SLC9B2: variants seen among roughly 807,000 people sequenced by gnomAD.
The protein encoded by SLC9B2 is sodium/hydrogen exchanger 9B2.
In SLC9B2, 39 loss-of-function variants were observed where a neutral mutation model predicts 52.2. The observed-to-expected ratio is 0.75, with a 90% confidence interval of 0.58 to 0.98. The LOEUF is 0.98. Ranked by LOEUF, SLC9B2 falls within the 50% of genes least tolerant of loss-of-function variation. The pLI, the probability that SLC9B2 is intolerant of heterozygous loss-of-function variation, is 0.00. For missense variants in SLC9B2, 626 were observed against 637.5 expected, an observed-to-expected ratio of 0.98 and a Z score of 0.19; for synonymous variants, 214 against 227.0, an observed-to-expected ratio of 0.94 and a Z score of 0.51.
chr4:103,028,254 A>C (rs1742397615), intron 11 of SLC9B2, among the ~76,000 whole-genome samples: 1 of 152,154 alleles, frequency 6.6e-6, no homozygotes, highest in Non-Finnish European at 1.5e-5. Flanking sequence ...AAATCAATAA[A>C]GTGCTTTCTG....
Position 103,026,491 on chromosome 4 carries a change from A to C in SLC9B2, c.1493T>G (p.Ile498Ser). The C allele has an allele frequency of 6.2e-7, 1 of 1,613,926 alleles. No homozygotes were observed. Among genetic ancestry groups the C allele is most frequent in the Non-Finnish European group, 8.5e-7 (1 of 1,179,888 alleles). The change falls in exon 12 of 12, where the codon ATC (isoleucine) becomes AGC (serine). Residue 498 changes from isoleucine (I) to serine (S), a missense_variant. Ile to Ser is a moderately radical substitution (Grantham distance 142, BLOSUM62 -2). Coordinates refer to ENST00000394785, the MANE Select transcript of SLC9B2 (RefSeq NM_178833.7). Reference protein sequence around the residue: ...MDVLTVAFLSILITAPIGSLL... With the variant: ...MDVLTVAFLSSLITAPIGSLL... Reference sequence around the variant, plus strand: ...ACTTCCAATTGGGGCTGTGATGAGGATGGACAAAAATGCCACTGTCAACAC... The same window carrying C: ...ACTTCCAATTGGGGCTGTGATGAGGCTGGACAAAAATGCCACTGTCAACAC...
chr4:103,048,168 A>T (rs1232463869), intron 6 of SLC9B2, among the ~76,000 whole-genome samples: 1 of 152,202 alleles, frequency 6.6e-6, no homozygotes, highest in African/African-American at 2.4e-5. Flanking sequence ...AGCAGAAAGC[A>T]TTTTACAGTA....
At chr4:103,065,098 A>C (rs1302524958) in intron 3 of SLC9B2, among the ~76,000 whole-genome samples, 2 of 151,900 alleles carry the variant, frequency 1.3e-5, no homozygotes, top group Non-Finnish European at 2.9e-5. Flanking sequence ...AAGTGGCAGG[A>C]AGACCATGAC....
chr4:103,022,061 T>C (rs1030226442), downstream of SLC9B2, among the ~76,000 whole-genome samples: 6 of 152,264 alleles, frequency 3.9e-5, no homozygotes, highest in African/African-American at 1.4e-4. Flanking sequence ...AAGGCAAGTA[T>C]CATGTCTTAT....
At chr4:103,031,610 A>G (rs1370667208) in intron 10 of SLC9B2, 90 bp downstream of exon 10, 1 of 885,142 alleles carries the variant, frequency 1.1e-6, no homozygotes, top group Admixed American at 2.3e-5. Flanking sequence ...TGCTGGAGAT[A>G]TTTCAATGAA....
At chr4:103,031,194 G>C (rs1742669794) in intron 10 of SLC9B2, among the ~76,000 whole-genome samples, 1 of 152,112 alleles carries the variant, frequency 6.6e-6, no homozygotes, top group African/African-American at 2.4e-5. Flanking sequence ...AGGAAATAAT[G>C]AGTACATATA....
At chr4:103,019,731 G>A, downstream of SLC9B2, 10 of 985,606 alleles carry the variant, frequency 1.0e-5, no homozygotes, top group Non-Finnish European at 1.2e-5. Flanking sequence ...CGCAGGGGCG[G>A]GGCGGGGCGA....
At chr4:103,071,117 G>T (rs1276791957) in intron 1 of SLC9B2, among the ~76,000 whole-genome samples, 1 of 151,872 alleles carries the variant, frequency 6.6e-6, no homozygotes, top group Non-Finnish European at 1.5e-5. Context: ...GAAGAGGAGT[G>T]GCTGGACTTT....
chr4:103,075,614 A>G (rs1301602487), intron 1 of SLC9B2, among the ~76,000 whole-genome samples: 4 of 152,240 alleles, frequency 2.6e-5, no homozygotes, highest in African/African-American at 9.6e-5. Flanking sequence ...GCATGTGGAC[A>G]TAAATAGTAT....
chr4:103,064,741 T>C (rs1745958460), intron 3 of SLC9B2, among the ~76,000 whole-genome samples: 1 of 152,222 alleles, frequency 6.6e-6, no homozygotes, highest in East Asian at 1.9e-4. Flanking sequence ...AACATCATAT[T>C]GTACCCCACA....
intron 4 of SLC9B2, among the ~76,000 whole-genome samples, chr4:103,053,215 T>C (rs1054298823): frequency 2.0e-5 from 3 of 152,160 alleles, no homozygotes; most frequent in East Asian, 1.9e-4. Context: ...TGCTCACTCA[T>C]ACTCCGACCC....
intron 4 of SLC9B2, among the ~76,000 whole-genome samples, chr4:103,052,937 A>G (rs903050220): frequency 6.6e-6 from 1 of 152,072 alleles, no homozygotes; most frequent in Non-Finnish European, 1.5e-5. Flanking sequence ...GGTTGATGTA[A>G]TGTGACCACC....
chr4:103,047,227 C>G lies in SLC9B2; in HGVS notation c.714-1G>C, dbSNP rs1167372451. 6.2e-7 allele frequency: 1 copy of G among 1,608,706 alleles called. No individual in the cohort carries two copies. Among genetic ancestry groups the G allele is most frequent in the Non-Finnish European group, 8.5e-7 (1 of 1,177,032 alleles). Reference sequence around the variant, plus strand: ...TGGAGATACAGCACCTAAAACAAAACTAGGCAGACAGCATTTTAAACATTT... The same window carrying G: ...TGGAGATACAGCACCTAAAACAAAAGTAGGCAGACAGCATTTTAAACATTT... On this transcript the variant is annotated splice_acceptor_variant, in intron 6 of 11. Transcript: ENST00000394785. LOFTEE classifies it high-confidence loss of function.
intron 1 of SLC9B2, among the ~76,000 whole-genome samples, chr4:103,073,736 T>C (rs1404647476): frequency 1.3e-5 from 2 of 152,230 alleles, no homozygotes; most frequent in African/African-American, 4.8e-5. Flanking sequence ...CTTGCTTTCA[T>C]CCTTTCTATT....
chr4:103,068,190 C>A (rs1184006956), intron 1 of SLC9B2, among the ~76,000 whole-genome samples: 1 of 152,178 alleles, frequency 6.6e-6, no homozygotes, highest in East Asian at 1.9e-4. Context: ...TTTCCATTGA[C>A]TTATCATATA....
At chr4:103,074,377 A>C (rs1746929039) in intron 1 of SLC9B2, among the ~76,000 whole-genome samples, 1 of 152,226 alleles carries the variant, frequency 6.6e-6, no homozygotes, top group Non-Finnish European at 1.5e-5. Flanking sequence ...AAAGCATCCT[A>C]ACCAATATAA....
In SLC9B2 at chr4:103,043,349, GTCC is replaced by G; in HGVS notation, c.1090_1092del (p.Gly364del). ...AGGAAAGCCATGACCAACGTGCACA[GTCC>G]TCCTGATCCAGGGAAACCAAAATGC... On this transcript the variant is annotated inframe_deletion, in exon 9 of 12. Transcript: ENST00000394785. 1 of 1,613,796 alleles carries G rather than the reference GTCC, an allele frequency of 6.2e-7. No individual in the cohort carries two copies. Among genetic ancestry groups the G allele is most frequent in the South Asian group, 1.1e-5 (1 of 91,048 alleles).
rs138759452 is a variant in SLC9B2 at position 103,024,461 on chromosome 4, A to G, written c.*1909T>C. Reference sequence around the variant, plus strand: ...CCAAAGCAAAGTTGACATAAAATTGAAGGCTATTTAGAAGAAGTGAATATT... The same window carrying G: ...CCAAAGCAAAGTTGACATAAAATTGGAGGCTATTTAGAAGAAGTGAATATT... On this transcript the variant is annotated 3_prime_UTR_variant, in exon 12 of 12. Coordinates refer to ENST00000394785, the MANE Select transcript of SLC9B2 (RefSeq NM_178833.7). Among the ~76,000 whole-genome samples the G allele has an allele frequency of 2.7e-3, 407 of 152,322 alleles. 2 individuals carry two copies. The highest frequency in any genetic ancestry group is 3.9e-3 in the Non-Finnish European group (266 of 68,016).
intron 9 of SLC9B2, among the ~76,000 whole-genome samples, chr4:103,038,171 T>G (rs1319238209): frequency 6.6e-6 from 1 of 152,186 alleles, no homozygotes; most frequent in Non-Finnish European, 1.5e-5. Flanking sequence ...AACGTAAGAC[T>G]TTAGTTGATA....
Sources: gnomAD v4.1 joint callset for allele counts (sites outside exome capture counted in the v4.1 genomes callset) on GRCh38, gnomAD v4.1.1 for gene constraint, MANE v1.5 for transcripts, NCBI Gene and HGNC (gene_info 2026-07-23, HGNC 2026-07-21) for gene names.